RBFOX3: variants seen among roughly 807,000 people sequenced by gnomAD.
RBFOX3 encodes the protein RNA binding fox-1 homolog 3.
In RBFOX3, 17 loss-of-function variants were observed where a neutral mutation model predicts 48.7. That is an observed-to-expected ratio of 0.35 (90% CI 0.24 to 0.52). The LOEUF is 0.52. RBFOX3 is among the 20% of genes least tolerant of loss of function. The pLI is 0.94. For synonymous variants in RBFOX3, 212 were observed against 209.5 expected, an observed-to-expected ratio of 1.01 and a Z score of -0.10; for missense variants, 382 against 497.5, an observed-to-expected ratio of 0.77 and a Z score of 2.21.
intron 3 of RBFOX3, among the ~76,000 whole-genome samples, chr17:79,287,189 A>T (rs980670842): frequency 2.6e-5 from 4 of 152,106 alleles, no homozygotes; most frequent in African/African-American, 9.7e-5. Flanking sequence ...TGGTGCTCTG[A>T]GTGTGTTTGA....
Position 79,254,960 on chromosome 17 carries a change from C to A in RBFOX3, c.-73-19155G>T, listed in dbSNP as rs1296886864. Among the ~76,000 whole-genome samples the A allele has an allele frequency of 2.0e-5, 3 of 152,240 alleles. No homozygotes were observed. Among genetic ancestry groups the A allele is most frequent in the Admixed American group, 6.5e-5 (1 of 15,300 alleles). On this transcript the variant is annotated intron_variant, in intron 3 of 14. Coordinates refer to ENST00000693108, the MANE Select transcript of RBFOX3 (RefSeq NM_001350451.2). This position sits in a 1 kb window ranked among gnomAD's most constrained non-coding sequence, Gnocchi z 4.8. ...TAGGGCCTGGGGCAGGACTATGTGC[C>A]CTGAGCCCTCTATCCTGGGCAGGAA... is the stretch of plus-strand genomic sequence containing the variant.
chr17:79,663,779 C>T, the RBFOX3 span, among the ~76,000 whole-genome samples: 17 of 146,382 alleles, frequency 1.2e-4, no homozygotes, highest in African/African-American at 4.2e-4. Context: ...AAGTTAATAA[C>T]GCAGTAAATC....
chr17:79,648,938 A>G, the RBFOX3 span, among the ~76,000 whole-genome samples: 1 of 151,818 alleles, frequency 6.6e-6, no homozygotes, highest in African/African-American at 2.4e-5. Flanking sequence ...CCACAGGATA[A>G]GGAAGACAGC....
chr17:79,562,965 G>C (rs1426310309), intron 1 of RBFOX3, among the ~76,000 whole-genome samples: 1 of 152,198 alleles, frequency 6.6e-6, no homozygotes, highest in Non-Finnish European at 1.5e-5. Context: ...CACCTGCCTA[G>C]GGAAATCACA....
At chr17:79,224,540 A>G (rs956907808) in intron 4 of RBFOX3, among the ~76,000 whole-genome samples, 1 of 152,124 alleles carries the variant, frequency 6.6e-6, no homozygotes, top group Non-Finnish European at 1.5e-5. Flanking sequence ...ATAGCTGGGA[A>G]CTCCAGGGTG....
At chr17:79,404,990 G>A (rs927893699) in intron 2 of RBFOX3, among the ~76,000 whole-genome samples, 7 of 152,108 alleles carry the variant, frequency 4.6e-5, no homozygotes, top group African/African-American at 9.7e-5. Context: ...GGCCTGCATC[G>A]GATCGTCCCA....
chr17:79,598,378 G>GCA (rs2093622920), intron 1 of RBFOX3: 2 of 111,086 alleles, frequency 1.8e-5, no homozygotes. Flanking sequence ...ACACATACAT[G>GCA]CACATGTGCG....
At chr17:79,319,687 G>C (rs2078146450) in intron 2 of RBFOX3, among the ~76,000 whole-genome samples, 1 of 152,304 alleles carries the variant, frequency 6.6e-6, no homozygotes, top group Admixed American at 6.5e-5. Context: ...GCTATATCTG[G>C]GCTGCTGGTC....
rs904333873 is a variant in RBFOX3, at chr17:79,242,324, G to A, written c.-73-6519C>T. Among the ~76,000 whole-genome samples the A allele has an allele frequency of 6.6e-6, 1 of 152,066 alleles. No individual in the cohort carries two copies. The highest frequency in any genetic ancestry group is 2.4e-5 in the African/African-American group (1 of 41,396). ...TGTGTTACTTCAGATTTTATGAAAC[G>A]ATCTGTTTGTGCTCTTTCCCTAAGG... On this transcript the variant is annotated intron_variant, in intron 3 of 14. Coordinates refer to ENST00000693108, the MANE Select transcript of RBFOX3 (RefSeq NM_001350451.2). The surrounding 1 kb of genome is among the most constrained non-coding windows in gnomAD (Gnocchi z 5.8).
intron 4 of RBFOX3, among the ~76,000 whole-genome samples, chr17:79,143,942 C>A (rs541944697): frequency 6.6e-6 from 1 of 152,248 alleles, no homozygotes; most frequent in Non-Finnish European, 1.5e-5. Flanking sequence ...AGGACGGACA[C>A]CCCCATCCTT....
rs1416664795 is a variant in RBFOX3 at position 79,477,556 on chromosome 17, CG to C, written c.-175+4897del. On this transcript the variant is annotated intron_variant, in intron 2 of 14. Coordinates refer to ENST00000693108, the MANE Select transcript of RBFOX3 (RefSeq NM_001350451.2). This position sits in a 1 kb window ranked among gnomAD's most constrained non-coding sequence, Gnocchi z 4.8. Reference sequence around the variant, plus strand: ...GGGCGACAGAGCGAAACTCCGTCACCGGAAAAAAAAAAAGAGGAGGAGGAGT... The same window carrying C: ...GGGCGACAGAGCGAAACTCCGTCACCGAAAAAAAAAAAGAGGAGGAGGAGT... Among the ~76,000 whole-genome samples the C allele has an allele frequency of 1.4e-5, 2 of 139,986 alleles. No homozygotes were observed. The highest frequency in any genetic ancestry group is 2.6e-5 in the African/African-American group (1 of 38,572). 91.8% of individuals were successfully genotyped at this position (139,986 alleles called of 152,430 possible). A position where few individuals can be genotyped will look rare whatever the true frequency, so the allele number is the denominator to read the frequency against.
chr17:79,653,667 A>G, the RBFOX3 span, among the ~76,000 whole-genome samples: 1 of 152,212 alleles, frequency 6.6e-6, no homozygotes, highest in Non-Finnish European at 1.5e-5. Context: ...AGCTAGCAGT[A>G]GAAGAATAGG....
At chr17:79,614,303 C>G (rs2093985942), upstream of RBFOX3, among the ~76,000 whole-genome samples, 1 of 152,236 alleles carries the variant, frequency 6.6e-6, no homozygotes, top group African/African-American at 2.4e-5. Flanking sequence ...CGGAGAGCCC[C>G]CCTTTTCCCT....
chr17:79,529,280 GACCCATCCCCCCACCGCATC>G (rs2087311170), intron 1 of RBFOX3, among the ~76,000 whole-genome samples: 1 of 152,196 alleles, frequency 6.6e-6, no homozygotes, highest in South Asian at 2.1e-4. Context: ...AGCAAAGGTT[GACCCATCCCCCCACCGCATC>G]ACCCATCACC....
chr17:79,352,988 C>T (rs553891020), intron 2 of RBFOX3, among the ~76,000 whole-genome samples: 5 of 152,342 alleles, frequency 3.3e-5, no homozygotes, highest in African/African-American at 7.2e-5. Flanking sequence ...AACACAAAGG[C>T]GCTTGGAGCA....
intron 2 of RBFOX3, among the ~76,000 whole-genome samples, chr17:79,464,818 G>A (rs781890888): frequency 7.9e-5 from 12 of 152,228 alleles, no homozygotes; most frequent in Non-Finnish European, 1.6e-4. Flanking sequence ...AGCCCCAGCC[G>A]CTCAGATGCC....
chr17:79,302,220 A>AC (rs1600511804), intron 3 of RBFOX3, among the ~76,000 whole-genome samples: 1 of 151,906 alleles, frequency 6.6e-6, no homozygotes, highest in East Asian at 1.9e-4. Flanking sequence ...ATAAATAAAT[A>AC]CCCCTCCCCT....
At chr17:79,096,376 T>C (rs557597858) in intron 12 of RBFOX3, among the ~76,000 whole-genome samples, 5 of 152,282 alleles carry the variant, frequency 3.3e-5, no homozygotes, top group East Asian at 1.9e-4. Context: ...GCCCCCATTA[T>C]ATGAGGCCTT....
At chr17:79,643,340 G>A in the RBFOX3 span, among the ~76,000 whole-genome samples, 3 of 152,150 alleles carry the variant, frequency 2.0e-5, no homozygotes, top group Non-Finnish European at 4.4e-5. Flanking sequence ...ATTAAAGGGA[G>A]AAATCTATAA....
Sources: allele counts gnomAD v4.1 joint callset (sites outside exome capture counted in the v4.1 genomes callset), GRCh38; gene constraint gnomAD v4.1.1; non-coding constraint Gnocchi (gnomAD v3.1); transcripts MANE v1.5; gene names NCBI Gene and HGNC (gene_info 2026-07-23, HGNC 2026-07-21).